Variants in PCBP3 observed in about 807,000 individuals in gnomAD.
PCBP3 encodes the protein poly(rC)-binding protein 3.
PCBP3 carries 25 observed loss-of-function variants against 52.7 expected under a neutral mutation model. The observed-to-expected ratio is 0.47, with a 90% confidence interval of 0.35 to 0.66. The LOEUF (loss-of-function observed/expected upper bound fraction) is 0.66. Among genes scored for constraint, PCBP3 ranks in the 30% least tolerant of loss-of-function variants. The probability of loss-of-function intolerance (pLI) is 0.01; values close to 1 mark genes in which losing one functional copy is unlikely to be tolerated. For missense variants in PCBP3, 391 were observed against 490.3 expected, an observed-to-expected ratio of 0.80 and a Z score of 1.91; for synonymous variants, 162 against 183.0, an observed-to-expected ratio of 0.89 and a Z score of 0.93.
At chr21:45,797,749 A>AGT (rs2092034888) in intron 4 of PCBP3, among the ~76,000 whole-genome samples, 1 of 101,242 alleles carries the variant, frequency 9.9e-6, no homozygotes. Flanking sequence ...GGATCCATAG[A>AGT]GAGAGTGAAT....
rs1168407160 is a variant in PCBP3 at position 45,802,481 on chromosome 21, G to T, written c.-126+47029G>T. 6.6e-6 allele frequency among the ~76,000 whole-genome samples: 1 copy of T among 152,132 alleles called. No individual in the cohort carries two copies. The highest frequency in any genetic ancestry group is 2.4e-5 in the African/African-American group (1 of 41,436). ...CCGGGCTGCCCAAGGTGGTGTGAGT[G>T]TCAGGGCACGTGGCCCAGAGGGCTC... On this transcript the variant is annotated intron_variant, in intron 4 of 17. Coordinates refer to ENST00000681687, the MANE Select transcript of PCBP3 (RefSeq NM_001384156.1). The surrounding 1 kb of genome is among the most constrained non-coding windows in gnomAD (Gnocchi z 5.1).
intron 4 of PCBP3, among the ~76,000 whole-genome samples, chr21:45,844,017 C>T (rs778284418): frequency 2.0e-5 from 3 of 152,120 alleles, no homozygotes; most frequent in Non-Finnish European, 4.4e-5. Flanking sequence ...TGACCTCTGA[C>T]CTCACTGCTC....
chr21:45,889,511 G>A (rs896259520), intron 5 of PCBP3, among the ~76,000 whole-genome samples: 1 of 152,238 alleles, frequency 6.6e-6, no homozygotes, highest in African/African-American at 2.4e-5. Context: ...TGCAGGCAGT[G>A]TGGTTGCCTG....
intron 9 of PCBP3, among the ~76,000 whole-genome samples, chr21:45,907,520 T>C (rs183330287): frequency 1.3e-5 from 2 of 152,350 alleles, no homozygotes; most frequent in Admixed American, 6.5e-5. Context: ...AATCAGTTCC[T>C]ACTGGAGATG....
Position 45,899,596 on chromosome 21 carries a change from C to A in PCBP3, c.166-3C>A. 1 of 1,607,964 alleles carries A rather than the reference C, an allele frequency of 6.2e-7. No individual in the cohort carries two copies. The highest frequency in any genetic ancestry group is 1.3e-5 in the African/African-American group (1 of 74,780). On this transcript the variant is annotated splice_region_variant and splice_polypyrimidine_tract_variant and intron_variant, in intron 6 of 17. Coordinates refer to ENST00000681687, the MANE Select transcript of PCBP3 (RefSeq NM_001384156.1). ...TCTTTCTGTGATTTTTTTTTTCTTGCAGGAAGTTGGAAGCATCATCGGGAA... is the reference window on the plus strand; with the variant it reads ...TCTTTCTGTGATTTTTTTTTTCTTGAAGGAAGTTGGAAGCATCATCGGGAA...
intron 4 of PCBP3, among the ~76,000 whole-genome samples, chr21:45,799,489 G>A (rs947070624): frequency 3.3e-4 from 50 of 152,110 alleles, no homozygotes; most frequent in Admixed American, 3.2e-3. Flanking sequence ...TTTATCATAG[G>A]ACAGTTTATA....
intron 5 of PCBP3, among the ~76,000 whole-genome samples, chr21:45,883,397 G>A (rs192786014): frequency 1.5e-4 from 23 of 152,318 alleles, no homozygotes; most frequent in Admixed American, 1.4e-3. Flanking sequence ...GGAAGTGTTC[G>A]TTAGGCCCCG....
At chr21:45,866,522 C>T (rs950877662) in intron 5 of PCBP3, among the ~76,000 whole-genome samples, 6 of 152,140 alleles carry the variant, frequency 3.9e-5, no homozygotes, top group South Asian at 2.1e-4. Flanking sequence ...GTGGGAGGGA[C>T]GTTGTGGCAG....
chr21:45,646,814 C>T (rs576621912), intron 1 of PCBP3, among the ~76,000 whole-genome samples: 6 of 152,290 alleles, frequency 3.9e-5, no homozygotes, highest in African/African-American at 1.2e-4. Context: ...GCAACTTGTT[C>T]CCAAAAGGGT....
intron 2 of PCBP3, among the ~76,000 whole-genome samples, chr21:45,681,604 A>G (rs1244437306): frequency 6.6e-6 from 1 of 152,252 alleles, no homozygotes; most frequent in Non-Finnish European, 1.5e-5. Flanking sequence ...TAAAAAAGTC[A>G]TAAGCTGAAC....
At chr21:45,910,805 G>A in intron 10 of PCBP3, 97 bp from the exon 11 acceptor site, 2 of 1,243,760 alleles carry the variant, frequency 1.6e-6, no homozygotes, top group Middle Eastern at 2.6e-4. Flanking sequence ...TTCCAAGGAA[G>A]TGTCCCCCGA....
intron 4 of PCBP3, among the ~76,000 whole-genome samples, chr21:45,826,551 G>C (rs2093313883): frequency 6.6e-6 from 1 of 152,136 alleles, no homozygotes; most frequent in Non-Finnish European, 1.5e-5. Flanking sequence ...ATGGAGTCAG[G>C]GTGCCTTCCC....
intron 4 of PCBP3, among the ~76,000 whole-genome samples, chr21:45,757,151 G>A (rs2088134403): frequency 6.6e-6 from 1 of 152,184 alleles, no homozygotes; most frequent in African/African-American, 2.4e-5. Flanking sequence ...CCACCCACAT[G>A]TGTGAGCGTT....
chr21:45,906,836 A>G (rs1044651924), intron 9 of PCBP3, among the ~76,000 whole-genome samples: 4 of 152,342 alleles, frequency 2.6e-5, no homozygotes, highest in Non-Finnish European at 5.9e-5. Flanking sequence ...TTTTCCAATC[A>G]AGGGCCCAAG....
intron 4 of PCBP3, among the ~76,000 whole-genome samples, chr21:45,775,531 C>T (rs2090189325): frequency 6.6e-6 from 1 of 152,168 alleles, no homozygotes; most frequent in Non-Finnish European, 1.5e-5. Context: ...GTCCACCAGC[C>T]TCAGCTTCCC....
At chr21:45,723,980 AT>A (rs2148361784) in intron 2 of PCBP3, among the ~76,000 whole-genome samples, 1 of 152,240 alleles carries the variant, frequency 6.6e-6, no homozygotes, top group Admixed American at 6.5e-5. Flanking sequence ...CTCCTCCAGC[AT>A]AAGCTGTTTT....
chr21:45,651,343 T>A (rs1419651536), intron 1 of PCBP3, among the ~76,000 whole-genome samples: 1 of 152,216 alleles, frequency 6.6e-6, no homozygotes, highest in Non-Finnish European at 1.5e-5. Context: ...ATAAAAGTAA[T>A]ACAAATGTTT....
rs116612972 is a variant in PCBP3 at position 45,791,177 on chromosome 21, G to A, written c.-126+35725G>A. On this transcript the variant is annotated intron_variant, in intron 4 of 17. Coordinates refer to ENST00000681687, the MANE Select transcript of PCBP3 (RefSeq NM_001384156.1). This position sits in a 1 kb window ranked among gnomAD's most constrained non-coding sequence, Gnocchi z 4.2. ...AGGCTGTGTTGGTCGTCAGCCCAGC[G>A]TGGGAAGGGGGAGTTTTGAAGACAG... Among the ~76,000 whole-genome samples, 457 of 152,314 alleles carry A rather than the reference G, an allele frequency of 3.0e-3. 1 individual carries two copies. The highest frequency in any genetic ancestry group is 0.011 in the African/African-American group (438 of 41,566).
intron 13 of PCBP3, among the ~76,000 whole-genome samples, chr21:45,919,816 T>G (rs971505366): frequency 1.1e-4 from 15 of 136,252 alleles, no homozygotes; most frequent in African/African-American, 1.8e-4. Context: ...GAAGCAGAGG[T>G]GTGTGTGTGT....
Sources: gnomAD v4.1 joint callset for allele counts (sites outside exome capture counted in the v4.1 genomes callset) on GRCh38, gnomAD v4.1.1 for gene constraint, Gnocchi (gnomAD v3.1) non-coding constraint, MANE v1.5 for transcripts, NCBI Gene and HGNC (gene_info 2026-07-23, HGNC 2026-07-21) for gene names.